Variants in CKM observed in about 807,000 individuals in gnomAD.
CKM encodes the protein creatine kinase M-type.
CKM carries 28 observed loss-of-function variants against 35.4 expected under a neutral mutation model. The ratio of observed to expected loss-of-function variants is 0.79; its 90% CI spans 0.59 to 1.08. CKM has a LOEUF of 1.08. Among genes scored for constraint, CKM ranks in the 50% least tolerant of loss-of-function variants. The pLI, the probability that CKM is intolerant of heterozygous loss-of-function variation, is 0.00. For synonymous variants in CKM, 215 were observed against 204.4 expected, an observed-to-expected ratio of 1.05 and a Z score of -0.44; for missense variants, 484 against 509.8, an observed-to-expected ratio of 0.95 and a Z score of 0.49.
intron 1 of CKM, 111 bp from the exon 2 acceptor site, chr19:45,319,842 G>C: frequency 3.5e-6 from 3 of 857,142 alleles, no homozygotes; most frequent in Non-Finnish European, 5.5e-6. Context: ...CCAGGCTGGA[G>C]TGCAGTGGCA....
rs1294909412 is a variant in CKM, at chr19:45,306,910, G to A, written c.986C>T (p.Ala329Val). 1 of 1,613,984 alleles carries A rather than the reference G, an allele frequency of 6.2e-7. No homozygotes were observed. Among genetic ancestry groups the A allele is most frequent in the Non-Finnish European group, 8.5e-7 (1 of 1,180,038 alleles). ...KRGTGGVDTA[A>V]VGSVFDVSNA... ...GGACACGTCAAATACTGAGCCCACG[G>A]CAGCTGTGTCCACGCCACCTGTGGG... Residue 329 changes from alanine to valine, a missense_variant, in exon 8 of 8, where the codon GCC (alanine) becomes GTC (valine). Physicochemically the swap from Ala to Val is moderately conservative, Grantham distance 64. Coordinates refer to ENST00000221476, the MANE Select transcript of CKM (RefSeq NM_001824.5). The surrounding 1 kb of genome is among the most constrained non-coding windows in gnomAD (Gnocchi z 4.5).
chr19:45,311,024 C>T (rs1252084508), intron 5 of CKM, among the ~76,000 whole-genome samples: 6 of 148,948 alleles, frequency 4.0e-5, no homozygotes, highest in Non-Finnish European at 7.4e-5. Flanking sequence ...TCGTGATCCG[C>T]CCACCTTGGC....
Position 45,308,458 on chromosome 19 carries a change from C to A in CKM, c.728G>T (p.Gly243Val), listed in dbSNP as rs17875625. 6.2e-7 allele frequency: 1 copy of A among 1,614,044 alleles called. No individual in the cohort carries two copies. The highest frequency in any genetic ancestry group is 8.5e-7 in the Non-Finnish European group (1 of 1,180,006). Residue 243 changes from glycine (G) to valine (V), a missense_variant, in exon 6 of 8, where the codon GGG becomes GTG. By Grantham distance (109) the Gly-to-Val change is moderately radical. Transcript: ENST00000221476. ...GCGGAAAACCTCCTTCATGTTGCCC[C>A]CCTTCTCCATGGAGATGACCCGGAG... The part of the protein sequence containing the change: ...DHLRVISMEK[G>V]GNMKEVFRRF...
Position 45,311,926 on chromosome 19 carries a change from G to T in CKM, c.482-6C>A. On this transcript the variant is annotated splice_region_variant and splice_polypyrimidine_tract_variant and intron_variant, in intron 4 of 7. Coordinates refer to ENST00000221476, the MANE Select transcript of CKM (RefSeq NM_001824.5). ...GCCCGTCAGGCTGTTGAGAGCTATG[G>T]GGACACACGAGGGAGTGGTCAGCAG... is the stretch of plus-strand genomic sequence containing the variant. 6.2e-7 allele frequency: 1 copy of T among 1,613,756 alleles called. No homozygotes were observed.
chr19:45,319,795 C>CTTCT, intron 1 of CKM, 64 bp from the exon 2 acceptor site: 1 of 1,048,542 alleles, frequency 9.5e-7, no homozygotes, highest in Non-Finnish European at 1.4e-6. Flanking sequence ...TCTTCTTCTT[C>CTTCT]TTTTTTTTTT....
At chr19:45,316,930 C>T (rs966410266) in intron 3 of CKM, among the ~76,000 whole-genome samples, 7 of 151,774 alleles carry the variant, frequency 4.6e-5, no homozygotes, top group Admixed American at 1.3e-4. Context: ...TATGATCCGC[C>T]CACCTCAGCC....
chr19:45,313,784 A>G (rs1971131553), intron 4 of CKM, among the ~76,000 whole-genome samples: 1 of 152,120 alleles, frequency 6.6e-6, no homozygotes, highest in Non-Finnish European at 1.5e-5. Context: ...AGGTGGAGGT[A>G]ACAGTAAGCC....
At chr19:45,316,098 G>A (rs1158128472) in intron 3 of CKM, among the ~76,000 whole-genome samples, 1 of 152,018 alleles carries the variant, frequency 6.6e-6, no homozygotes, top group Admixed American at 6.6e-5. Context: ...GGGAAGCCGA[G>A]GTGAGCCAAT....
chr19:45,307,870 T>G (rs1971069429), intron 6 of CKM, among the ~76,000 whole-genome samples: 1 of 147,116 alleles, frequency 6.8e-6, no homozygotes, highest in African/African-American at 2.5e-5. Context: ...AGGCGGGTTT[T>G]TTTTTTTTTT....
chr19:45,310,144 A>T (rs867069255), intron 5 of CKM, among the ~76,000 whole-genome samples: 6 of 103,688 alleles, frequency 5.8e-5, no homozygotes, highest in Middle Eastern at 0.018. Context: ...TTTTTGAGAC[A>T]GAGTCTTGGT....
rs191229714 is a variant in CKM, at chr19:45,317,990, G to A, written c.194-11C>T. On this transcript the variant is annotated splice_polypyrimidine_tract_variant and intron_variant, in intron 2 of 7. Coordinates refer to ENST00000221476, the MANE Select transcript of CKM (RefSeq NM_001824.5). The stretch of plus-strand genomic sequence containing the variant: ...TGATGAAGGGGTGACCTGGAGGGGT[G>A]GGGGTGAGGTCAGAGCTGCTTGTCC... 187 of 1,613,514 alleles carry A rather than the reference G, an allele frequency of 1.2e-4. No homozygotes were observed. Among genetic ancestry groups the A allele is most frequent in the East Asian group, 3.1e-4 (14 of 44,870 alleles).
intron 1 of CKM, 91 bp from the exon 2 acceptor site, chr19:45,319,822 G>A (rs537377035): frequency 2.5e-5 from 27 of 1,075,956 alleles, no homozygotes; most frequent in African/African-American, 8.0e-5. Context: ...ACGGAGTCTC[G>A]CTCTGTCACC....
Position 45,317,943 on chromosome 19 carries a change from C to T in CKM, c.230G>A (p.Gly77Asp). The T allele has an allele frequency of 6.2e-7, 1 of 1,613,990 alleles. No homozygotes were observed. Among genetic ancestry groups the T allele is most frequent in the South Asian group, 1.1e-5 (1 of 91,072 alleles). Residue 77 changes from glycine to aspartate, a missense_variant, in exon 3 of 8, where the codon GGT becomes GAT. Transcript: ENST00000221476. ...GAAAACTTCGTAGGACTCCTCATCA[C>T]CAGCCACGCAGCCCACGGTCATGAT... ...PFIMTVGCVA[G>D]DEESYEVFKE...
intron 6 of CKM, among the ~76,000 whole-genome samples, chr19:45,307,961 T>C: frequency 6.6e-6 from 1 of 151,524 alleles, no homozygotes; most frequent in East Asian, 1.9e-4. Context: ...CCTCCCAGGT[T>C]CAAGCGATTC....
chr19:45,322,160 C>T lies in CKM; in HGVS notation c.-19+661G>A, dbSNP rs117955873. On this transcript the variant is annotated intron_variant, in intron 1 of 7. Transcript: ENST00000221476. ...CAGACCCCCTCCCTTCAGAGGATGC[C>T]CCCCTAATCCCTGCCAGGGACACCC... Among the ~76,000 whole-genome samples the T allele has an allele frequency of 6.4e-3, 967 of 151,906 alleles. 8 individuals carry two copies. The highest frequency in any genetic ancestry group is 0.048 in the Middle Eastern group (14 of 292).
intron 4 of CKM, 76 bp downstream of exon 4, chr19:45,315,389 G>A: frequency 6.5e-7 from 1 of 1,533,946 alleles, no homozygotes; most frequent in Admixed American, 1.8e-5. Context: ...GGCCCAAAGA[G>A]ACCCGAGGAC....
At position 45,306,952 on chromosome 19, in the gene CKM, G is replaced by T. The variant is rs774126858; in HGVS notation, c.968-24C>A. On this transcript the variant is annotated intron_variant, in intron 7 of 7. Coordinates refer to ENST00000221476, the MANE Select transcript of CKM (RefSeq NM_001824.5). The surrounding 1 kb of genome is among the most constrained non-coding windows in gnomAD (Gnocchi z 4.5). ...ACCTGTGGGAGCAAGGGACAGGGGC[G>T]TGAAGAGGCAGCGAAGGTGCAGAGG... 6.2e-7 allele frequency: 1 copy of T among 1,612,208 alleles called. No homozygotes were observed. The highest frequency in any genetic ancestry group is 1.1e-5 in the South Asian group (1 of 91,084).
At chr19:45,309,451 G>A (rs986307382) in intron 5 of CKM, among the ~76,000 whole-genome samples, 1 of 151,452 alleles carries the variant, frequency 6.6e-6, no homozygotes, top group African/African-American at 2.4e-5. Flanking sequence ...AGCCACTGGG[G>A]AGGCTGAGGC....
intron 2 of CKM, among the ~76,000 whole-genome samples, chr19:45,318,493 G>A (rs1202647502): frequency 6.6e-6 from 1 of 151,964 alleles, no homozygotes; most frequent in African/African-American, 2.4e-5. Flanking sequence ...GCTGGGAGGG[G>A]TCAAGGTGGG....
Sources: gnomAD v4.1 joint callset for allele counts (sites outside exome capture counted in the v4.1 genomes callset) on GRCh38, gnomAD v4.1.1 for gene constraint, Gnocchi (gnomAD v3.1) non-coding constraint, MANE v1.5 for transcripts, NCBI Gene and HGNC (gene_info 2026-07-23, HGNC 2026-07-21) for gene names.